The following CADM2 variants were observed in gnomAD, a reference collection of about 807,000 sequenced individuals.
CADM2 encodes immunoglobulin superfamily member 4D.
CADM2 carries 12 observed loss-of-function variants against 49.8 expected under a neutral mutation model. The observed-to-expected ratio is 0.24, with a 90% confidence interval of 0.15 to 0.39. CADM2 has a LOEUF of 0.39. Among genes scored for constraint, CADM2 ranks in the 10% least tolerant of loss-of-function variants. CADM2 has a pLI of 1.00. For missense variants in CADM2, 378 were observed against 492.3 expected (o/e 0.77, Z 2.20); for synonymous variants, 214 against 175.4 (o/e 1.22, Z -1.74).
At chr3:85,008,383 C>T (rs530933794) in intron 1 of CADM2, among the ~76,000 whole-genome samples, 1 of 152,244 alleles carries the variant, frequency 6.6e-6, no homozygotes, top group African/African-American at 2.4e-5. Context: ...ATTCAATTTT[C>T]AGTTGCATGT....
At chr3:85,021,630 C>T (rs2034515022) in intron 1 of CADM2, among the ~76,000 whole-genome samples, 1 of 151,984 alleles carries the variant, frequency 6.6e-6, no homozygotes, top group Admixed American at 6.6e-5. Flanking sequence ...CAAAAATTAG[C>T]CAGGCGTGGT....
At position 85,475,248 on chromosome 3, in the gene CADM2, G is replaced by C. The variant is rs146389672; in HGVS notation, c.62-251274G>C. ...TAATTGAGGTACTCAGACCTTTCCA[G>C]CTGAGGCTTTGCCTCAATCTAATTG... is the stretch of plus-strand genomic sequence containing the variant. On this transcript the variant is annotated intron_variant, in intron 1 of 9. Transcript: ENST00000383699. Among the ~76,000 whole-genome samples the C allele has an allele frequency of 2.7e-3, 416 of 152,048 alleles. 1 individual carries two copies. In the Middle Eastern group the frequency reaches 0.037, roughly 14 times the overall value.
chr3:85,194,969 A>T (rs1028940661), intron 1 of CADM2, among the ~76,000 whole-genome samples: 1 of 152,042 alleles, frequency 6.6e-6, no homozygotes, highest in Non-Finnish European at 1.5e-5. Flanking sequence ...CAGCCTCCTG[A>T]GTGGCTAAGA....
intron 1 of CADM2, among the ~76,000 whole-genome samples, chr3:85,348,963 T>C (rs6809486): frequency 0.93 from 141,947 of 152,176 alleles, 66,474 homozygotes; most frequent in Non-Finnish European, 0.97. Flanking sequence ...AATATCTTGA[T>C]CTATTACCTA....
At chr3:84,975,365 A>T (rs1477711132) in intron 1 of CADM2, among the ~76,000 whole-genome samples, 1 of 151,828 alleles carries the variant, frequency 6.6e-6, no homozygotes, top group Admixed American at 6.6e-5. Context: ...CAAATAAGAG[A>T]AAACTTATAA....
In CADM2 at chr3:85,031,692, A is replaced by AT. The variant is rs896621013; in HGVS notation, c.61+72033dup. On this transcript the variant is annotated intron_variant, in intron 1 of 9. Coordinates refer to ENST00000383699, the MANE Select transcript of CADM2 (RefSeq NM_001167675.2). ...ACCACGCCCGGCTAATTTTTTGTGT[A>AT]TTTTTTTTTAGTAGATACGGGGTTT... Among the ~76,000 whole-genome samples, 232 of 148,378 alleles carry AT rather than the reference A, an allele frequency of 1.6e-3. 2 individuals are homozygous for AT. Among genetic ancestry groups the AT allele is most frequent in the South Asian group, 5.1e-3 (24 of 4,706 alleles).
At chr3:85,812,484 T>A (rs1191787239) in intron 3 of CADM2, among the ~76,000 whole-genome samples, 1 of 152,160 alleles carries the variant, frequency 6.6e-6, no homozygotes, top group Non-Finnish European at 1.5e-5. Flanking sequence ...AGACTTTTAA[T>A]CAGGATCAGC....
At chr3:85,851,994 T>A (rs766894319) in intron 3 of CADM2, among the ~76,000 whole-genome samples, 15 of 152,068 alleles carry the variant, frequency 9.9e-5, no homozygotes, top group Non-Finnish European at 1.8e-4. Context: ...TCTTGTAATA[T>A]AACTACATGG....
intron 1 of CADM2, among the ~76,000 whole-genome samples, chr3:85,515,292 TAACA>T (rs2060864823): frequency 6.6e-6 from 1 of 152,238 alleles, no homozygotes; most frequent in Admixed American, 6.5e-5. Context: ...TTAGATTAGT[TAACA>T]AAGATAACAT....
intron 1 of CADM2, among the ~76,000 whole-genome samples, chr3:85,362,289 T>TTA (rs2032416174): frequency 6.6e-6 from 1 of 152,234 alleles, no homozygotes; most frequent in African/African-American, 2.4e-5. Context: ...CAATTTGGAA[T>TTA]AAAAGAGGAA....
intron 5 of CADM2, among the ~76,000 whole-genome samples, chr3:85,908,637 T>A (rs1433665737): frequency 1.3e-5 from 2 of 151,994 alleles, no homozygotes; most frequent in African/African-American, 4.8e-5. Flanking sequence ...CACCCAATTT[T>A]AAATGTATCG....
intron 8 of CADM2, among the ~76,000 whole-genome samples, chr3:86,064,184 T>G (rs1739037599): frequency 6.6e-6 from 1 of 152,100 alleles, no homozygotes. Context: ...TAGGTATATC[T>G]CCTAATGCTA....
chr3:85,977,267 TAGAATA>T (rs1401622620), intron 8 of CADM2, among the ~76,000 whole-genome samples: 1 of 151,426 alleles, frequency 6.6e-6, no homozygotes. Flanking sequence ...CTTTTCTTAT[TAGAATA>T]AGATCCAATG....
chr3:85,829,044 T>C (rs2074058540), intron 3 of CADM2, among the ~76,000 whole-genome samples: 1 of 151,978 alleles, frequency 6.6e-6, no homozygotes, highest in Non-Finnish European at 1.5e-5. Context: ...CATCACCCTA[T>C]ATAAAAATAA....
At chr3:85,924,451 T>C (rs1472522181) in intron 6 of CADM2, among the ~76,000 whole-genome samples, 3 of 151,792 alleles carry the variant, frequency 2.0e-5, no homozygotes, top group Admixed American at 6.6e-5. Context: ...TAATTAGCCA[T>C]GAGTGGTGGC....
rs553431197 is a variant in CADM2, at chr3:86,073,709, T to C, written c.*6926T>C. On this transcript the variant is annotated 3_prime_UTR_variant, in exon 10 of 10. Coordinates refer to ENST00000383699, the MANE Select transcript of CADM2 (RefSeq NM_001167675.2). ...ATTTTCTTAACCTTGAAAACAGACATTGAAAGATGGAACTTTCTTTTTTCC... is the reference window on the plus strand; with the variant it reads ...ATTTTCTTAACCTTGAAAACAGACACTGAAAGATGGAACTTTCTTTTTTCC... The C allele has an allele frequency of 1.7e-4, 26 of 152,150 alleles. No homozygotes were observed. The highest frequency in any genetic ancestry group is 5.5e-4 in the African/African-American group (23 of 41,564). 9.4% of individuals were successfully genotyped at this position (152,150 alleles called of 1,614,324 possible).
chr3:85,541,041 T>C (rs1330426856), intron 1 of CADM2, among the ~76,000 whole-genome samples: 1 of 152,018 alleles, frequency 6.6e-6, no homozygotes, highest in Non-Finnish European at 1.5e-5. Context: ...ATGGCTTCAA[T>C]ATGTAAATTT....
At chr3:85,581,101 C>A (rs2107294866) in intron 1 of CADM2, among the ~76,000 whole-genome samples, 1 of 152,194 alleles carries the variant, frequency 6.6e-6, no homozygotes, top group South Asian at 2.1e-4. Flanking sequence ...AATGATTACT[C>A]TGCACACTAT....
chr3:85,069,243 C>A (rs1351473697), intron 1 of CADM2, among the ~76,000 whole-genome samples: 1 of 151,258 alleles, frequency 6.6e-6, no homozygotes, highest in African/African-American at 2.4e-5. Flanking sequence ...CTTTGTTATT[C>A]CCTTAATTAT....
Sources: allele counts gnomAD v4.1 joint callset (sites outside exome capture counted in the v4.1 genomes callset), GRCh38; gene constraint gnomAD v4.1.1; transcripts MANE v1.5; gene names NCBI Gene and HGNC (gene_info 2026-07-23, HGNC 2026-07-21).